Variants in KCND2 observed in about 807,000 individuals in gnomAD.
KCND2 encodes A-type voltage-gated potassium channel KCND2.
In KCND2, 16 loss-of-function variants were observed where a neutral mutation model predicts 54.4. That is an observed-to-expected ratio of 0.29 (90% CI 0.20 to 0.45). The LOEUF is 0.45. Ranked by LOEUF, KCND2 falls within the 20% of genes least tolerant of loss-of-function variation. KCND2 has a pLI of 1.00. For synonymous variants in KCND2, 317 were observed against 310.7 expected, an observed-to-expected ratio of 1.02 and a Z score of -0.21; for missense variants, 486 against 824.2, an observed-to-expected ratio of 0.59 and a Z score of 5.02.
intron 1 of KCND2, among the ~76,000 whole-genome samples, chr7:120,656,140 GTATTTAA>G (rs753055206): frequency 4.6e-5 from 7 of 152,036 alleles, no homozygotes; most frequent in Non-Finnish European, 7.4e-5. Flanking sequence ...TCTATATTAT[GTATTTAA>G]TACTGAAAGA....
At chr7:120,365,598 G>C (rs1800663957) in intron 1 of KCND2, among the ~76,000 whole-genome samples, 1 of 152,074 alleles carries the variant, frequency 6.6e-6, no homozygotes, top group African/African-American at 2.4e-5. Flanking sequence ...CCCTGATTAA[G>C]GTAAGGGCAG....
intron 1 of KCND2, among the ~76,000 whole-genome samples, chr7:120,331,387 CAA>C (rs1800066749): frequency 6.6e-6 from 1 of 151,648 alleles, no homozygotes. Context: ...TTTTGAAAAA[CAA>C]ATTCTTTTTA....
intron 2 of KCND2, among the ~76,000 whole-genome samples, chr7:120,735,759 G>A (rs1240672123): frequency 2.0e-5 from 3 of 151,920 alleles, no homozygotes; most frequent in Non-Finnish European, 4.4e-5. Flanking sequence ...ATTTTACAGA[G>A]TTTTACTACT....
intron 2 of KCND2, among the ~76,000 whole-genome samples, chr7:120,733,388 G>A (rs926912405): frequency 3.3e-5 from 5 of 152,076 alleles, no homozygotes; most frequent in African/African-American, 1.2e-4. Flanking sequence ...CCTGGAAGTG[G>A]TTTGAGTCAC....
At chr7:120,288,702 C>T (rs1046806851) in intron 1 of KCND2, among the ~76,000 whole-genome samples, 4 of 151,982 alleles carry the variant, frequency 2.6e-5, no homozygotes, top group Non-Finnish European at 5.9e-5. Flanking sequence ...AAATTCATTT[C>T]CTGTATTGGA....
chr7:120,739,994 G>A (rs374089494), intron 2 of KCND2, among the ~76,000 whole-genome samples: 7 of 152,070 alleles, frequency 4.6e-5, no homozygotes, highest in East Asian at 3.9e-4. Context: ...TGTTTATACC[G>A]TGGTATATTA....
chr7:120,543,957 C>A (rs1792013160), intron 1 of KCND2, among the ~76,000 whole-genome samples: 1 of 151,850 alleles, frequency 6.6e-6, no homozygotes, highest in East Asian at 1.9e-4. Context: ...ATGGCCCTAA[C>A]CAACTAGTCT....
chr7:120,566,061 G>C (rs1317688471), intron 1 of KCND2, among the ~76,000 whole-genome samples: 1 of 152,152 alleles, frequency 6.6e-6, no homozygotes, highest in East Asian at 1.9e-4. Context: ...CCCCCAAGGA[G>C]CTTCTGGTAC....
intron 1 of KCND2, among the ~76,000 whole-genome samples, chr7:120,353,141 T>A (rs1033291470): frequency 5.1e-4 from 72 of 142,280 alleles, no homozygotes; most frequent in African/African-American, 1.5e-3. Flanking sequence ...TACTTTTTTT[T>A]TTTTTTTTTT....
At chr7:120,744,854 C>A (rs1792986310) in intron 4 of KCND2, among the ~76,000 whole-genome samples, 1 of 152,132 alleles carries the variant, frequency 6.6e-6, no homozygotes, top group African/African-American at 2.4e-5. Context: ...TAATTGAGGT[C>A]ATTCTCTAGT....
intron 1 of KCND2, among the ~76,000 whole-genome samples, chr7:120,304,258 A>G (rs1021858790): frequency 6.6e-6 from 1 of 152,182 alleles, no homozygotes; most frequent in Non-Finnish European, 1.5e-5. Context: ...CCTAATAATG[A>G]TTCTAACAAA....
chr7:120,283,798 T>G (rs1314235862), intron 1 of KCND2, among the ~76,000 whole-genome samples: 1 of 152,198 alleles, frequency 6.6e-6, no homozygotes, highest in African/African-American at 2.4e-5. Context: ...TTTTTGTCAC[T>G]TTGCAGTAGG....
intron 1 of KCND2, among the ~76,000 whole-genome samples, chr7:120,725,760 A>G (rs189756334): frequency 6.8e-4 from 103 of 152,310 alleles, no homozygotes; most frequent in African/African-American, 2.3e-3. Flanking sequence ...TAAGTATCTT[A>G]AGTATTCAAA....
intron 1 of KCND2, among the ~76,000 whole-genome samples, chr7:120,504,670 A>G (rs1802988362): frequency 1.3e-5 from 2 of 151,874 alleles, no homozygotes; most frequent in South Asian, 4.1e-4. Flanking sequence ...TTAGAAAAAT[A>G]TTGGTATACA....
chr7:120,436,073 T>C (rs1801861976), intron 1 of KCND2, among the ~76,000 whole-genome samples: 1 of 152,182 alleles, frequency 6.6e-6, no homozygotes. Context: ...AAACTAAAGA[T>C]ACAAATAGTA....
At chr7:120,710,686 C>T (rs779251594) in intron 1 of KCND2, among the ~76,000 whole-genome samples, 17 of 151,992 alleles carry the variant, frequency 1.1e-4, no homozygotes, top group Non-Finnish European at 2.1e-4. Flanking sequence ...AAGGTTGGTA[C>T]TTAGATTGTA....
intron 1 of KCND2, among the ~76,000 whole-genome samples, chr7:120,544,511 A>G (rs1357831852): frequency 6.6e-6 from 1 of 151,972 alleles, no homozygotes; most frequent in Non-Finnish European, 1.5e-5. Context: ...TTCATAAATT[A>G]ATAATCACTA....
intron 1 of KCND2, among the ~76,000 whole-genome samples, chr7:120,382,105 T>C (rs755302605): frequency 6.6e-6 from 1 of 151,946 alleles, no homozygotes; most frequent in Non-Finnish European, 1.5e-5. Flanking sequence ...TTTGGAAGCA[T>C]ATTCCAACCA....
chr7:120,396,278 G>A (rs1482896233), intron 1 of KCND2, among the ~76,000 whole-genome samples: 1 of 151,942 alleles, frequency 6.6e-6, no homozygotes, highest in Non-Finnish European at 1.5e-5. Flanking sequence ...TAATCATTGA[G>A]GACAATATGT....
Sources: gnomAD v4.1 joint callset for allele counts (sites outside exome capture counted in the v4.1 genomes callset) on GRCh38, gnomAD v4.1.1 for gene constraint, MANE v1.5 for transcripts, NCBI Gene and HGNC (gene_info 2026-07-23, HGNC 2026-07-21) for gene names.